Variants in SNAPC3 observed in about 807,000 individuals in gnomAD.
SNAPC3 encodes snRNA-activating protein complex subunit 3.
In SNAPC3, 56 loss-of-function variants were observed where a neutral mutation model predicts 47.7. The ratio of observed to expected loss-of-function variants is 1.18; its 90% CI spans 0.95 to 1.47. The LOEUF (loss-of-function observed/expected upper bound fraction) is 1.47. Ranked by LOEUF, SNAPC3 falls within the 40% of genes most tolerant of loss-of-function variation. SNAPC3 has a pLI of 0.00. For missense variants in SNAPC3, 665 were observed against 511.3 expected, an observed-to-expected ratio of 1.30 and a Z score of -2.90; for synonymous variants, 235 against 189.9, an observed-to-expected ratio of 1.24 and a Z score of -1.95.
chr9:15,432,474 A>C (rs1345558852), intron 2 of SNAPC3, among the ~76,000 whole-genome samples: 1 of 152,144 alleles, frequency 6.6e-6, no homozygotes, highest in African/African-American at 2.4e-5. Context: ...GAGACAAGAA[A>C]AATATAGGAT....
intron 3 of SNAPC3, 143 bp from the exon 4 acceptor site, chr9:15,444,459 A>T: frequency 1.7e-6 from 1 of 578,200 alleles, no homozygotes; most frequent in Non-Finnish European, 3.1e-6. Flanking sequence ...AAGCTTAGAG[A>T]TGTCTTAACA....
At chr9:15,465,444 A>G (rs757593296), downstream of SNAPC3, 4 of 1,302,632 alleles carry the variant, frequency 3.1e-6, no homozygotes, top group African/African-American at 4.6e-5. Context: ...TAAAAATTTA[A>G]AACTTTCAGC....
downstream of SNAPC3, chr9:15,466,664 T>A (rs930953616): frequency 9.5e-7 from 1 of 1,050,908 alleles, no homozygotes; most frequent in Non-Finnish European, 1.4e-6. Context: ...CTGCTTATTA[T>A]AGTAAGATAA....
chr9:15,464,984 A>G (rs536290306), downstream of SNAPC3: 52 of 219,050 alleles, frequency 2.4e-4, no homozygotes, highest in African/African-American at 1.1e-3. Flanking sequence ...AATGTAGCAC[A>G]ATGTAGACTG....
At chr9:15,465,224 A>C (rs2035537487), downstream of SNAPC3, 1 of 299,020 alleles carries the variant, frequency 3.3e-6, no homozygotes, top group South Asian at 1.1e-4. Context: ...ACTATCAATT[A>C]CACATTAACA....
chr9:15,442,455 G>A (rs567855464), intron 3 of SNAPC3, among the ~76,000 whole-genome samples: 9 of 151,230 alleles, frequency 6.0e-5, no homozygotes, highest in African/African-American at 2.2e-4. Flanking sequence ...CTTCTCAGAC[G>A]GGGCGGCTGC....
chr9:15,465,921 C>G, downstream of SNAPC3: 1 of 205,218 alleles, frequency 4.9e-6, no homozygotes, highest in South Asian at 1.4e-4. Flanking sequence ...CAACATATTT[C>G]AAAATCTTAA....
Position 15,448,291 on chromosome 9 carries a change from C to A in SNAPC3, c.732+1047C>A, listed in dbSNP as rs550700424. Among the ~76,000 whole-genome samples, 15 of 152,008 alleles carry A rather than the reference C, an allele frequency of 9.9e-5. 1 individual carries two copies. Among genetic ancestry groups the A allele is most frequent in the African/African-American group, 3.6e-4 (15 of 41,442 alleles). ...ATAAGGCCTTTTATAATGATGCTTCCCAAATTAACTTTCTGAACTGTTTAC... is the reference window on the plus strand; with the variant it reads ...ATAAGGCCTTTTATAATGATGCTTCACAAATTAACTTTCTGAACTGTTTAC... On this transcript the variant is annotated intron_variant, in intron 5 of 8. Transcript: ENST00000380821.
intron 3 of SNAPC3, among the ~76,000 whole-genome samples, chr9:15,442,655 C>T (rs1052546418): frequency 4.0e-5 from 6 of 151,436 alleles, no homozygotes; most frequent in Admixed American, 2.0e-4. Context: ...GACGAGATGG[C>T]GGCCAGGAAG....
chr9:15,426,838 G>A (rs1454340880), intron 2 of SNAPC3, among the ~76,000 whole-genome samples: 1 of 151,948 alleles, frequency 6.6e-6, no homozygotes, highest in African/African-American at 2.4e-5. Context: ...AAATCAGTAC[G>A]GTATTCTTCA....
intron 5 of SNAPC3, among the ~76,000 whole-genome samples, chr9:15,450,729 A>G (rs1046770903): frequency 5.9e-5 from 9 of 152,254 alleles, no homozygotes; most frequent in Admixed American, 3.9e-4. Context: ...CTGAGTTGAC[A>G]CTTGTGTTTG....
chr9:15,433,952 C>T (rs2131797651), intron 3 of SNAPC3: 1 of 192,400 alleles, frequency 5.2e-6, no homozygotes, highest in South Asian at 1.5e-4. Flanking sequence ...TTGGTTTAAC[C>T]ACATTCTCAA....
rs530325971 is a variant in SNAPC3 at position 15,443,064 on chromosome 9, G to A, written c.478-1538G>A. The stretch of plus-strand genomic sequence containing the variant: ...CGCGCACCCGCAATCCCAGGCACTC[G>A]GCAGGCTGAGGCAGGAGAATCAGGC... On this transcript the variant is annotated intron_variant, in intron 3 of 8. Transcript: ENST00000380821. 7.2e-4 allele frequency among the ~76,000 whole-genome samples: 110 copies of A among 152,312 alleles called. No homozygotes were observed. In the South Asian group the frequency reaches 8.5e-3, roughly 12 times the overall value.
intron 4 of SNAPC3, 51 bp downstream of exon 4, chr9:15,444,757 AGT>A: frequency 1.0e-6 from 1 of 985,556 alleles, no homozygotes; most frequent in Non-Finnish European, 1.6e-6. Flanking sequence ...CTTTTGTAAA[AGT>A]GTTTAATTAT....
chr9:15,429,953 T>C (rs540539516), intron 2 of SNAPC3, among the ~76,000 whole-genome samples: 2 of 152,264 alleles, frequency 1.3e-5, no homozygotes, highest in East Asian at 3.9e-4. Context: ...GATGCTGATA[T>C]CAGACAAATA....
chr9:15,440,959 A>AAAG (rs2033288683), intron 3 of SNAPC3, among the ~76,000 whole-genome samples: 1 of 151,614 alleles, frequency 6.6e-6, no homozygotes, highest in African/African-American at 2.4e-5. Context: ...AAAAAAAAAA[A>AAAG]AAAAAAAATT....
rs774154578 is a variant in SNAPC3, at chr9:15,453,030, TC to T, written c.816-5del. 3.8e-6 allele frequency: 6 copies of T among 1,597,248 alleles called. No homozygotes were observed. Among genetic ancestry groups the T allele is most frequent in the East Asian group, 2.2e-5 (1 of 44,664 alleles). ...GGAAAAATGATATATCCTTGCCTTTTCCCCCCTCAGAACTATCATTGAGTGG... is the reference window on the plus strand; with the variant it reads ...GGAAAAATGATATATCCTTGCCTTTTCCCCCTCAGAACTATCATTGAGTGG... On this transcript the variant is annotated splice_polypyrimidine_tract_variant and intron_variant, in intron 6 of 8. Transcript: ENST00000380821.
At chr9:15,428,898 C>G (rs1004429853) in intron 2 of SNAPC3, among the ~76,000 whole-genome samples, 19 of 151,672 alleles carry the variant, frequency 1.3e-4, no homozygotes, top group African/African-American at 3.9e-4. Context: ...TTATCAGAGT[C>G]CCTGAAGAAG....
chr9:15,465,398 C>T, downstream of SNAPC3: 1 of 833,824 alleles, frequency 1.2e-6, no homozygotes, highest in African/African-American at 1.8e-5. Flanking sequence ...GGATTTTCTC[C>T]CTCAAAACAA....
Sources: gnomAD v4.1 joint callset for allele counts (sites outside exome capture counted in the v4.1 genomes callset) on GRCh38, gnomAD v4.1.1 for gene constraint, MANE v1.5 for transcripts, NCBI Gene and HGNC (gene_info 2026-07-23, HGNC 2026-07-21) for gene names.